The following TLL2 variants were observed in gnomAD, a reference collection of about 807,000 sequenced individuals.
TLL2 encodes tolloid-like protein 2.
Under a neutral mutation model 123.0 loss-of-function variants are expected in TLL2, and 106 were observed. The ratio of observed to expected loss-of-function variants is 0.86; its 90% CI spans 0.74 to 1.01. The LOEUF is 1.01. Ranked by LOEUF, TLL2 falls within the 50% of genes least tolerant of loss-of-function variation. The pLI, the probability that TLL2 is intolerant of heterozygous loss-of-function variation, is 0.00. For synonymous variants in TLL2, 494 were observed against 516.8 expected (o/e 0.96, Z 0.60); for missense variants, 1,332 against 1,336.7 (o/e 1.00, Z 0.06).
intron 4 of TLL2, among the ~76,000 whole-genome samples, chr10:96,429,994 G>A (rs976822512): frequency 6.6e-6 from 1 of 152,186 alleles, no homozygotes; most frequent in African/African-American, 2.4e-5. Flanking sequence ...TAGTTGTCTG[G>A]GAAGTATGAA....
At chr10:96,451,093 G>A (rs536428078) in intron 2 of TLL2, among the ~76,000 whole-genome samples, 150 of 152,308 alleles carry the variant, frequency 9.8e-4, no homozygotes, top group Non-Finnish European at 1.8e-3. Context: ...TCAGCGGCCC[G>A]TGATGCATGG....
At chr10:96,470,536 A>T (rs1269575931) in intron 2 of TLL2, among the ~76,000 whole-genome samples, 1 of 152,244 alleles carries the variant, frequency 6.6e-6, no homozygotes, top group Non-Finnish European at 1.5e-5. Context: ...TAAGCCTGCA[A>T]AACACATCCT....
chr10:96,480,293 G>A (rs1847299296), intron 2 of TLL2, 56 bp downstream of exon 2: 2 of 1,448,764 alleles, frequency 1.4e-6, no homozygotes, highest in Non-Finnish European at 1.9e-6. Flanking sequence ...ATCTCCCCCT[G>A]CTGAAGTCCC....
chr10:96,459,392 G>T (rs1847050728), intron 2 of TLL2, among the ~76,000 whole-genome samples: 1 of 151,710 alleles, frequency 6.6e-6, no homozygotes, highest in African/African-American at 2.4e-5. Flanking sequence ...ACTTAGGGAG[G>T]TTGAGGCAGG....
intron 2 of TLL2, among the ~76,000 whole-genome samples, chr10:96,478,541 T>A (rs10736111): frequency 2.6e-5 from 4 of 152,096 alleles, no homozygotes; most frequent in Non-Finnish European, 4.4e-5. Flanking sequence ...CAAGAATGAC[T>A]GCAGCAGCTT....
At position 96,396,025 on chromosome 10, in the gene TLL2, A is replaced by G; in HGVS notation, c.1385-5T>C. On this transcript the variant is annotated splice_region_variant and splice_polypyrimidine_tract_variant and intron_variant, in intron 11 of 20. Transcript: ENST00000357947. Reference sequence around the variant, plus strand: ...TCATGTCTCCCCCGCAGGTAGCTTTAGAAAGAGACATCAGGAGAGGAAGAC... The same window carrying G: ...TCATGTCTCCCCCGCAGGTAGCTTTGGAAAGAGACATCAGGAGAGGAAGAC... 1 of 1,614,006 alleles carries G rather than the reference A, an allele frequency of 6.2e-7. No individual in the cohort carries two copies. Among genetic ancestry groups the G allele is most frequent in the Non-Finnish European group, 8.5e-7 (1 of 1,179,928 alleles).
intron 2 of TLL2, among the ~76,000 whole-genome samples, chr10:96,476,867 C>CAT (rs1847259550): frequency 7.7e-6 from 1 of 129,868 alleles, no homozygotes; most frequent in African/African-American, 3.1e-5. Context: ...TACACACACA[C>CAT]ACACACACAC....
At position 96,413,325 on chromosome 10, in the gene TLL2, A is replaced by T; in HGVS notation, c.924-9T>A. 6.2e-7 allele frequency: 1 copy of T among 1,611,386 alleles called. No individual in the cohort carries two copies. The highest frequency in any genetic ancestry group is 8.5e-7 in the Non-Finnish European group (1 of 1,177,818). On this transcript the variant is annotated splice_polypyrimidine_tract_variant and intron_variant, in intron 7 of 20. Coordinates refer to ENST00000357947, the MANE Select transcript of TLL2 (RefSeq NM_012465.4). The stretch of plus-strand genomic sequence containing the variant: ...TGTCTAAGAAAACTCCTCTACAGGA[A>T]GGAAAAAAGACAGAAAAAGAAAAGT...
intron 1 of TLL2, among the ~76,000 whole-genome samples, chr10:96,492,808 T>C (rs543031780): frequency 6.6e-6 from 1 of 152,218 alleles, no homozygotes; most frequent in African/African-American, 2.4e-5. Context: ...CCCAACATAG[T>C]TGCTTCTGAG....
At chr10:96,471,703 A>C (rs1478992072) in intron 2 of TLL2, among the ~76,000 whole-genome samples, 1 of 152,192 alleles carries the variant, frequency 6.6e-6, no homozygotes, top group Non-Finnish European at 1.5e-5. Flanking sequence ...GAATCAGTAC[A>C]GAGCCAGAGA....
rs1846334437 is a variant in TLL2 at position 96,395,881 on chromosome 10, A to G, written c.1524T>C (p.Ala508=). 6.2e-7 allele frequency: 1 copy of G among 1,614,208 alleles called. No homozygotes were observed. The highest frequency in any genetic ancestry group is 1.3e-5 in the African/African-American group (1 of 75,060). Reference sequence around the variant, plus strand: ...CGGTCTGAGCAGCACTCACCTCAAAAGCTTGGAAGGTAAGTCCCACGTGAA... The same window carrying G: ...CGGTCTGAGCAGCACTCACCTCAAAGGCTTGGAAGGTAAGTCCCACGTGAA... ...EGFHVGLTFQ[A]FEIERHDSCA... The change falls in exon 12 of 21, where the codon GCT becomes GCC. Residue 508 remains alanine, a synonymous_variant. Coordinates refer to ENST00000357947, the MANE Select transcript of TLL2 (RefSeq NM_012465.4).
intron 3 of TLL2, among the ~76,000 whole-genome samples, chr10:96,441,041 G>A (rs1236003911): frequency 2.6e-5 from 4 of 152,198 alleles, no homozygotes; most frequent in Middle Eastern, 3.4e-3. Flanking sequence ...AGGGTTGAGG[G>A]GGGATAAAGC....
At chr10:96,379,859 A>G (rs556481899) in intron 16 of TLL2, among the ~76,000 whole-genome samples, 2 of 152,338 alleles carry the variant, frequency 1.3e-5, no homozygotes, top group East Asian at 3.9e-4. Context: ...AAGGAAACTG[A>G]CGCTGAGAAT....
intron 11 of TLL2, 28 bp downstream of exon 11, chr10:96,397,158 C>T (rs773497520): frequency 3.8e-6 from 6 of 1,588,794 alleles, no homozygotes; most frequent in African/African-American, 1.3e-5. Context: ...GAGGGGCCAC[C>T]GAGCAGCTGC....
At chr10:96,438,418 A>C (rs1846818568) in intron 3 of TLL2, among the ~76,000 whole-genome samples, 2 of 152,248 alleles carry the variant, frequency 1.3e-5, no homozygotes, top group South Asian at 4.1e-4. Flanking sequence ...CTGTATGTTC[A>C]TTGTTAGAAT....
chr10:96,386,871 T>C (rs1564895963), intron 14 of TLL2, 82 bp downstream of exon 14: 12 of 1,582,994 alleles, frequency 7.6e-6, no homozygotes, highest in Non-Finnish European at 1.0e-5. Flanking sequence ...CACAGCCAGC[T>C]GGTTGCCCCA....
intron 13 of TLL2, among the ~76,000 whole-genome samples, chr10:96,393,720 CTTTTTTTTTCTTTTTTTTCT>C (rs1003975717): frequency 9.8e-6 from 1 of 102,164 alleles, no homozygotes; most frequent in African/African-American, 3.2e-5. Context: ...TATGGCCTGG[CTTTTTTTTTCTTTTTTTTCT>C]TTTTTTTTTT....
At chr10:96,396,102 A>G in intron 11 of TLL2, 82 bp from the exon 12 acceptor site, 2 of 1,536,162 alleles carry the variant, frequency 1.3e-6, no homozygotes, top group Non-Finnish European at 1.8e-6. Context: ...AGGCGGGGGG[A>G]ACAGCGCTTG....
intron 10 of TLL2, among the ~76,000 whole-genome samples, chr10:96,398,071 T>A (rs1473857626): frequency 6.6e-6 from 1 of 152,194 alleles, no homozygotes; most frequent in African/African-American, 2.4e-5. Flanking sequence ...GAAGTGTCTA[T>A]GTGATTGTCC....
Sources: allele counts gnomAD v4.1 joint callset (sites outside exome capture counted in the v4.1 genomes callset), GRCh38; gene constraint gnomAD v4.1.1; transcripts MANE v1.5; gene names NCBI Gene and HGNC (gene_info 2026-07-23, HGNC 2026-07-21).